MID1: variants seen among roughly 807,000 people sequenced by gnomAD.
The protein encoded by MID1 is E3 ubiquitin-protein ligase Midline-1.
MID1 carries 7 observed loss-of-function variants against 40.4 expected under a neutral mutation model. That is an observed-to-expected ratio of 0.17 (90% confidence interval 0.10 to 0.33). MID1 has a LOEUF of 0.33. Ranked by LOEUF, MID1 falls within the 10% of genes least tolerant of loss-of-function variation. The probability of loss-of-function intolerance (pLI) is 1.00; values close to 1 mark genes in which losing one functional copy is unlikely to be tolerated. For missense variants in MID1, 367 were observed against 558.5 expected (o/e 0.66, Z 3.46); for synonymous variants, 229 against 221.2 (o/e 1.04, Z -0.31).
chrX:10,457,554 C>T (rs911698376), intron 8 of MID1, among the ~76,000 whole-genome samples: 1 of 112,343 alleles, frequency 8.9e-6, no homozygotes, highest in African/African-American at 3.2e-5. Context: ...TTTCAATAAT[C>T]TTTTGATACT....
At chrX:10,706,036 G>A (rs1232790027) in intron 1 of MID1, among the ~76,000 whole-genome samples, 1 of 111,120 alleles carries the variant, frequency 9.0e-6, no homozygotes, top group Non-Finnish European at 1.9e-5. Context: ...TTGTTATGGG[G>A]ACTGCTGTCC....
At chrX:10,616,761 A>G (rs1035979923) in intron 1 of MID1, among the ~76,000 whole-genome samples, 2 of 113,235 alleles carry the variant, frequency 1.8e-5, no homozygotes, top group Admixed American at 9.3e-5. Flanking sequence ...TCTTATGATT[A>G]TAACATTTGC....
intron 1 of MID1, among the ~76,000 whole-genome samples, chrX:10,658,691 T>A (rs2042892505): frequency 9.1e-6 from 1 of 110,151 alleles, no homozygotes; most frequent in African/African-American, 3.3e-5. Flanking sequence ...CAGGAAATCA[T>A]TTTAGAGGAC....
At chrX:10,729,220 G>T (rs1437985806) in intron 1 of MID1, among the ~76,000 whole-genome samples, 1 of 111,517 alleles carries the variant, frequency 9.0e-6, no homozygotes, top group Non-Finnish European at 1.9e-5. Flanking sequence ...TAAAGGAGAG[G>T]GTCACATTTC....
Position 10,633,986 on chromosome X carries a change from C to T in MID1, c.-186-13567G>A, listed in dbSNP as rs374678453. ...CTACAGCCCACATCACATGACATAA[C>T]TGCACGAAAGGCCACTCCATTAGAC... On this transcript the variant is annotated intron_variant, in intron 1 of 10. Transcript: ENST00000380785. Among the ~76,000 whole-genome samples, 3 of 110,524 alleles carry T rather than the reference C, an allele frequency of 2.7e-5. No homozygotes were observed. The Admixed American group carries it at 2.9e-4, about 11-fold the overall frequency.
rs1602424732 is a variant in MID1 at position 10,574,304 on chromosome X, C to T, written c.-56-6701G>A. Among the ~76,000 whole-genome samples the T allele has an allele frequency of 2.7e-5, 3 of 111,141 alleles. No homozygotes were observed. In the Middle Eastern group the frequency reaches 0.014, roughly 519 times the overall value. On this transcript the variant is annotated intron_variant, in intron 1 of 9. Transcript: ENST00000317552. ...CTGGCCTTGAAGATGGAGGAAGGGG[C>T]CACAAGCCAAGGAATGCAGGCTAGA... is the stretch of plus-strand genomic sequence containing the variant.
intron 1 of MID1, among the ~76,000 whole-genome samples, chrX:10,740,206 A>G (rs147699219): frequency 0.069 from 7,787 of 112,879 alleles, 267 homozygotes; most frequent in Non-Finnish European, 0.11. Flanking sequence ...AATCCAATAC[A>G]TGAACAGATG....
intron 4 of MID1, among the ~76,000 whole-genome samples, chrX:10,485,338 GTACT>G (rs1200314410): frequency 1.8e-5 from 2 of 112,368 alleles, no homozygotes; most frequent in African/African-American, 6.5e-5. Flanking sequence ...ATGGAGCGAA[GTACT>G]TAGTTTTCTA....
intron 3 of MID1, among the ~76,000 whole-genome samples, chrX:10,504,955 T>C (rs892946129): frequency 9.0e-6 from 1 of 111,544 alleles, no homozygotes; most frequent in African/African-American, 3.3e-5. Context: ...GCGTCACAGT[T>C]TGCTGACCTC....
chrX:10,745,510 C>T (rs1348088591), intron 1 of MID1, among the ~76,000 whole-genome samples: 1 of 112,436 alleles, frequency 8.9e-6, no homozygotes, highest in Non-Finnish European at 1.9e-5. Context: ...ATGTTCCAGC[C>T]TCCAAATGGC....
chrX:10,499,748 G>A (rs7882261), intron 3 of MID1, among the ~76,000 whole-genome samples: 3,017 of 111,892 alleles, frequency 0.027, 113 homozygotes, highest in African/African-American at 0.093. Context: ...ACATTGTGAG[G>A]TCCTCAAGTT....
In MID1 at chrX:10,704,714, GTGTATATA is replaced by G. The variant is rs1243147343; in HGVS notation, c.-186-84303_-186-84296del. 3.0e-3 allele frequency among the ~76,000 whole-genome samples: 205 copies of G among 68,919 alleles called. 1 individual carries two copies. The highest frequency in any genetic ancestry group is 0.011 in the African/African-American group (201 of 18,039). 59.8% of individuals were successfully genotyped at this position (68,919 alleles called of 115,157 possible). ...TGTGTATATATATGCATGTGTGTGT[GTGTATATA>G]TATATATATATATATATACACACAC... On this transcript the variant is annotated intron_variant, in intron 1 of 10. Coordinates refer to the MID1 transcript ENST00000380785.
intron 1 of MID1, among the ~76,000 whole-genome samples, chrX:10,685,825 T>A (rs1213703448): frequency 1.8e-5 from 2 of 108,617 alleles, no homozygotes; most frequent in African/African-American, 3.4e-5. Flanking sequence ...GTGAGTTGAT[T>A]TTTTCAGTGA....
At chrX:10,746,811 T>C (rs1190240188) in intron 1 of MID1, among the ~76,000 whole-genome samples, 1 of 108,749 alleles carries the variant, frequency 9.2e-6, no homozygotes, top group African/African-American at 3.3e-5. Context: ...TATTATTATA[T>C]ATATTACGAT....
chrX:10,454,878 T>C lies in MID1; in HGVS notation c.1647A>G (p.Gly549=). The part of the protein sequence containing the change: ...GRHYWEVVIS[G]STWYAIGLAY... ...AGAAATAAGTTGCTTACCATGTGCTTCCACTTATGACCACTTCCCAATAAT... is the reference window on the plus strand; with the variant it reads ...AGAAATAAGTTGCTTACCATGTGCTCCCACTTATGACCACTTCCCAATAAT... Residue 549 remains glycine (G), a synonymous_variant, in exon 9 of 10, where the codon GGA becomes GGG. Transcript: ENST00000317552. 1.7e-6 allele frequency: 2 copies of C among 1,208,710 alleles called. No individual in the cohort carries two copies. The highest frequency in any genetic ancestry group is 2.2e-6 in the Non-Finnish European group (2 of 892,551).
intron 1 of MID1, among the ~76,000 whole-genome samples, chrX:10,732,506 T>C (rs1569157913): frequency 8.9e-6 from 1 of 112,303 alleles, no homozygotes; most frequent in East Asian, 2.8e-4. Context: ...AATGGAGGCA[T>C]ATACCATGAT....
At chrX:10,588,713 G>A (rs982817910) in intron 1 of MID1, among the ~76,000 whole-genome samples, 1 of 109,654 alleles carries the variant, frequency 9.1e-6, no homozygotes, top group Non-Finnish European at 1.9e-5. Flanking sequence ...CCTTGCCTCT[G>A]CCAGCCGCTT....
At chrX:10,654,996 G>A (rs2042860443) in intron 1 of MID1, among the ~76,000 whole-genome samples, 1 of 112,148 alleles carries the variant, frequency 8.9e-6, no homozygotes, top group African/African-American at 3.2e-5. Flanking sequence ...ATATAAAAAC[G>A]ATAGACAAGA....
chrX:10,469,293 G>C, intron 7 of MID1: 1 of 883,259 alleles, frequency 1.1e-6, no homozygotes, highest in African/African-American at 2.1e-5. Context: ...AGGTTGCCCA[G>C]GGTTTATAGT....
Sources: gnomAD v4.1 joint callset for allele counts (sites outside exome capture counted in the v4.1 genomes callset) on GRCh38, gnomAD v4.1.1 for gene constraint, MANE v1.5 for transcripts, NCBI Gene and HGNC (gene_info 2026-07-23, HGNC 2026-07-21) for gene names.